RASA2: variants seen among roughly 807,000 people sequenced by gnomAD.
RASA2 encodes the protein ras GTPase-activating protein 2.
In RASA2, 155 loss-of-function variants were observed where a neutral mutation model predicts 118.2. The observed-to-expected ratio is 1.31, with a 90% CI of 1.15 to 1.50. RASA2 has a LOEUF of 1.50. Among genes scored for constraint, RASA2 ranks in the 40% most tolerant of loss-of-function variants. The pLI, the probability that RASA2 is intolerant of heterozygous loss-of-function variation, is 0.00. For synonymous variants in RASA2, 353 were observed against 349.1 expected (o/e 1.01, Z -0.12); for missense variants, 1,016 against 1,009.6 (o/e 1.01, Z -0.09).
chr3:141,540,421 C>T, intron 4 of RASA2, 112 bp from the exon 5 acceptor site: 2 of 739,080 alleles, frequency 2.7e-6, no homozygotes, highest in Admixed American at 5.7e-5. Flanking sequence ...GTAGGCAAAG[C>T]CATGTGCTAG....
chr3:141,586,000 A>G, intron 17 of RASA2, 25 bp from the exon 18 acceptor site: 2 of 1,566,714 alleles, frequency 1.3e-6, no homozygotes, highest in South Asian at 1.1e-5. Context: ...CACACAGTGT[A>G]ATATTTGCCC....
Position 141,608,675 on chromosome 3 carries a change from C to G in RASA2, c.2203C>G (p.Leu735Val), listed in dbSNP as rs776550552. The change falls in exon 21 of 24, where the codon CTC (leucine) becomes GTC (valine). Residue 735 changes from leucine (L) to valine (V), a missense_variant. By Grantham distance (32) the Leu-to-Val change is conservative. Transcript: ENST00000286364. Reference protein sequence around the residue: ...LCCQETGENTLGCKPCTAGVP... With the variant: ...LCCQETGENTVGCKPCTAGVP... The stretch of plus-strand genomic sequence containing the variant: ...CTGTCAGGAGACTGGTGAAAACACT[C>G]TCGGCTGCAAGCCATGTACTGCGTA... The G allele has an allele frequency of 1.5e-5, 24 of 1,613,554 alleles. No homozygotes were observed. The highest frequency in any genetic ancestry group is 1.9e-5 in the Non-Finnish European group (23 of 1,179,684).
chr3:141,558,918 C>T lies in RASA2; in HGVS notation c.717C>T (p.Ser239=), dbSNP rs183729614. Residue 239 remains serine (S), a synonymous_variant, in exon 8 of 24, where the codon TCC becomes TCT. Transcript: ENST00000286364. ...GATCCAGTAGTTACACCAGAAAGTC[C>T]CAGTTCCAGGTAGAAGAGGAGGACA... The part of the protein sequence containing the change: ...VTRSSSYTRK[S]QFQVEEEDIE... 3.0e-5 allele frequency: 49 copies of T among 1,607,564 alleles called. No homozygotes were observed. In the East Asian group the frequency reaches 1.1e-3, roughly 35 times the overall value.
chr3:141,504,652 TG>T (rs1194806643), intron 1 of RASA2, among the ~76,000 whole-genome samples: 18 of 152,306 alleles, frequency 1.2e-4, no homozygotes, highest in Admixed American at 9.8e-4. Context: ...TCTAGTCACC[TG>T]CTTCTACCTT....
chr3:141,608,371 T>C, intron 20 of RASA2, 118 bp from the exon 21 acceptor site: 1 of 927,962 alleles, frequency 1.1e-6, no homozygotes, highest in Non-Finnish European at 1.7e-6. Context: ...CTAAGACATC[T>C]TAGCACCAGT....
intron 1 of RASA2, among the ~76,000 whole-genome samples, chr3:141,495,105 T>C (rs2081684334): frequency 6.6e-6 from 1 of 152,236 alleles, no homozygotes; most frequent in Admixed American, 6.5e-5. Context: ...AAAGGAAATG[T>C]GTATAACACT....
intron 19 of RASA2, among the ~76,000 whole-genome samples, chr3:141,590,553 G>A (rs1353054897): frequency 2.0e-5 from 3 of 152,168 alleles, no homozygotes; most frequent in Non-Finnish European, 2.9e-5. Flanking sequence ...TAAAATACCT[G>A]GGCTTTGCAT....
chr3:141,524,892 G>A (rs1320212065), intron 3 of RASA2, among the ~76,000 whole-genome samples: 1 of 152,018 alleles, frequency 6.6e-6, no homozygotes, highest in Non-Finnish European at 1.5e-5. Context: ...TGCCCGGCCT[G>A]TCACTGTTTT....
chr3:141,504,783 A>AT (rs2081838883), intron 1 of RASA2, among the ~76,000 whole-genome samples: 1 of 152,090 alleles, frequency 6.6e-6, no homozygotes, highest in East Asian at 1.9e-4. Context: ...GTAAGACCTT[A>AT]TTTAACCTGT....
chr3:141,574,247 T>C (rs1239425039), intron 14 of RASA2, among the ~76,000 whole-genome samples, 180 bp downstream of exon 14: 2 of 152,060 alleles, frequency 1.3e-5, no homozygotes, highest in Non-Finnish European at 2.9e-5. Flanking sequence ...TGGAGTGCAG[T>C]GGCGCTATCT....
At chr3:141,586,780 GT>G in intron 19 of RASA2, 28 bp downstream of exon 19, 1 of 1,549,084 alleles carries the variant, frequency 6.5e-7, no homozygotes, top group Non-Finnish European at 8.9e-7. Flanking sequence ...TTATTGTGGG[GT>G]TTTTCCTGGT....
At chr3:141,501,973 G>A (rs1409203512) in intron 1 of RASA2, among the ~76,000 whole-genome samples, 1 of 151,888 alleles carries the variant, frequency 6.6e-6, no homozygotes, top group Non-Finnish European at 1.5e-5. Context: ...TACTGGTTGA[G>A]CATTCCAAAT....
chr3:141,516,531 A>G (rs1577669170), intron 3 of RASA2, 100 bp downstream of exon 3: 7 of 899,960 alleles, frequency 7.8e-6, no homozygotes, highest in East Asian at 8.1e-5. Flanking sequence ...TATATGCTCA[A>G]CATCTCTGAT....
At position 141,549,309 on chromosome 3, in the gene RASA2, T is replaced by C. The variant is rs1340904553; in HGVS notation, c.528-4548T>C. Among the ~76,000 whole-genome samples, 3 of 152,254 alleles carry C rather than the reference T, an allele frequency of 2.0e-5. No homozygotes were observed. In the East Asian group the frequency reaches 5.8e-4, roughly 29 times the overall value. ...CTTTACCTTCTCTCCTACATGGTTC[T>C]CACCACAAATAAACATGGTCTAGTA... On this transcript the variant is annotated intron_variant, in intron 5 of 23. Transcript: ENST00000286364.
intron 1 of RASA2, among the ~76,000 whole-genome samples, chr3:141,506,765 A>G (rs2081873746): frequency 1.3e-5 from 2 of 152,162 alleles, no homozygotes; most frequent in South Asian, 2.1e-4. Flanking sequence ...ATACAAAGCA[A>G]ATTAGTCAGG....
chr3:141,514,436 A>T (rs1201407488), intron 2 of RASA2, among the ~76,000 whole-genome samples: 1 of 152,220 alleles, frequency 6.6e-6, no homozygotes, highest in African/African-American at 2.4e-5. Context: ...GCAGAGTCAC[A>T]AGGGAACTTT....
intron 15 of RASA2, among the ~76,000 whole-genome samples, chr3:141,577,537 G>T (rs976787299): frequency 6.6e-6 from 1 of 152,022 alleles, no homozygotes. Flanking sequence ...ATTTGAAGAG[G>T]CTCTTCTCTA....
At chr3:141,604,082 T>G (rs1159994610) in intron 19 of RASA2, among the ~76,000 whole-genome samples, 2 of 152,206 alleles carry the variant, frequency 1.3e-5, no homozygotes, top group Admixed American at 6.5e-5. Context: ...TGTCTTCAGC[T>G]CTCATGGTAT....
chr3:141,495,149 T>C (rs534185118), intron 1 of RASA2, among the ~76,000 whole-genome samples: 14 of 152,380 alleles, frequency 9.2e-5, no homozygotes, highest in African/African-American at 3.4e-4. Context: ...TAAAGCACTT[T>C]ATGCGTATTA....
Sources: allele counts gnomAD v4.1 joint callset (sites outside exome capture counted in the v4.1 genomes callset), GRCh38; gene constraint gnomAD v4.1.1; transcripts MANE v1.5; gene names NCBI Gene and HGNC (gene_info 2026-07-23, HGNC 2026-07-21).